The following ADAMTSL1 variants were observed in gnomAD, a reference collection of about 807,000 sequenced individuals.
ADAMTSL1 encodes ADAMTS like 1.
Under a neutral mutation model 201.8 loss-of-function variants are expected in ADAMTSL1, and 126 were observed. The observed-to-expected ratio is 0.62, with a 90% CI of 0.54 to 0.72. The LOEUF is 0.72. ADAMTSL1 is among the 30% of genes least tolerant of loss of function. ADAMTSL1 has a pLI of 0.00. For missense variants in ADAMTSL1, 2,679 were observed against 2,277.8 expected, an observed-to-expected ratio of 1.18 and a Z score of -3.59; for synonymous variants, 1,121 against 903.4, an observed-to-expected ratio of 1.24 and a Z score of -4.32.
chr9:18,287,624 C>CTAT (rs1554650456), intron 2 of ADAMTSL1, among the ~76,000 whole-genome samples: 42 of 148,146 alleles, frequency 2.8e-4, no homozygotes, highest in African/African-American at 9.8e-4. Context: ...TATGTGTATA[C>CTAT]ATATACGCAT....
chr9:18,314,782 CTTTTTTTTTTT>C (rs776046209), intron 2 of ADAMTSL1, among the ~76,000 whole-genome samples: 42 of 49,852 alleles, frequency 8.4e-4, no homozygotes, highest in South Asian at 5.5e-3. Context: ...CGGCAGCGTG[CTTTTTTTTTTT>C]TTTTTTTTTT....
chr9:18,340,544 A>G (rs1181347808), intron 2 of ADAMTSL1, among the ~76,000 whole-genome samples: 1 of 152,066 alleles, frequency 6.6e-6, no homozygotes, highest in African/African-American at 2.4e-5. Flanking sequence ...TATTAAGTCT[A>G]TGATATGTTT....
At chr9:18,682,897 C>T (rs1339302884) in intron 12 of ADAMTSL1, among the ~76,000 whole-genome samples, 3 of 152,040 alleles carry the variant, frequency 2.0e-5, no homozygotes, top group Non-Finnish European at 2.9e-5. Context: ...CTCTCGAAGC[C>T]TTGGTTTCCT....
At chr9:18,898,563 C>T (rs562297324) in intron 26 of ADAMTSL1, among the ~76,000 whole-genome samples, 1 of 152,222 alleles carries the variant, frequency 6.6e-6, no homozygotes, top group African/African-American at 2.4e-5. Flanking sequence ...TTGAAAGAGA[C>T]AGGGAGAACA....
At chr9:18,009,627 T>A (rs1239351148) in intron 1 of ADAMTSL1, among the ~76,000 whole-genome samples, 5 of 152,060 alleles carry the variant, frequency 3.3e-5, no homozygotes, top group Non-Finnish European at 7.4e-5. Flanking sequence ...ATGAGAGATG[T>A]GTTGGTTTGT....
intron 1 of ADAMTSL1, among the ~76,000 whole-genome samples, chr9:17,908,334 T>C (rs1563888454): frequency 6.6e-6 from 1 of 152,176 alleles, no homozygotes; most frequent in Non-Finnish European, 1.5e-5. Flanking sequence ...ACACCCCAGC[T>C]GGATTACATC....
intron 1 of ADAMTSL1, among the ~76,000 whole-genome samples, chr9:18,033,413 G>T (rs989837116): frequency 4.6e-5 from 7 of 152,194 alleles, no homozygotes; most frequent in Middle Eastern, 3.4e-3. Context: ...AATCACTAAA[G>T]TTTACTAAGT....
intron 25 of ADAMTSL1, among the ~76,000 whole-genome samples, chr9:18,891,757 G>T (rs1264366180): frequency 6.6e-6 from 1 of 152,218 alleles, no homozygotes; most frequent in South Asian, 2.1e-4. Context: ...CTTGACTTCA[G>T]TGAGGCCCAG....
At chr9:18,442,181 T>A (rs1486916348) in intron 2 of ADAMTSL1, among the ~76,000 whole-genome samples, 1 of 152,222 alleles carries the variant, frequency 6.6e-6, no homozygotes, top group East Asian at 1.9e-4. Context: ...AGCCATTGTA[T>A]CAAAGAGTTT....
intron 3 of ADAMTSL1, among the ~76,000 whole-genome samples, chr9:18,557,181 G>A (rs1281409708): frequency 1.3e-5 from 2 of 151,884 alleles, no homozygotes; most frequent in East Asian, 3.9e-4. Context: ...TTCTCTCTTT[G>A]GACAATGTGA....
intron 5 of ADAMTSL1, among the ~76,000 whole-genome samples, chr9:18,626,823 T>TACTG: frequency 7.0e-6 from 1 of 143,436 alleles, no homozygotes; most frequent in African/African-American, 2.5e-5. Context: ...CTTTCTTTCT[T>TACTG]TCTTTCTTAC....
At chr9:18,267,285 G>A (rs1469859076) in intron 2 of ADAMTSL1, among the ~76,000 whole-genome samples, 1 of 152,108 alleles carries the variant, frequency 6.6e-6, no homozygotes, top group African/African-American at 2.4e-5. Flanking sequence ...CATAGTATGA[G>A]TATCAGCCAA....
chr9:18,311,084 C>A (rs1339847600), intron 2 of ADAMTSL1, among the ~76,000 whole-genome samples: 1 of 152,018 alleles, frequency 6.6e-6, no homozygotes, highest in Non-Finnish European at 1.5e-5. Context: ...AACCATCATT[C>A]TCAGCAAAGT....
chr9:18,357,674 A>G (rs551078161), intron 2 of ADAMTSL1, among the ~76,000 whole-genome samples: 2 of 152,266 alleles, frequency 1.3e-5, no homozygotes, highest in African/African-American at 4.8e-5. Context: ...GTTCTTAAGT[A>G]TAGTCAAATA....
chr9:18,163,637 G>A (rs1400092590), intron 1 of ADAMTSL1, among the ~76,000 whole-genome samples: 1 of 151,992 alleles, frequency 6.6e-6, no homozygotes, highest in Non-Finnish European at 1.5e-5. Context: ...ACACCCGTCA[G>A]TTAAGAGGCA....
intron 8 of ADAMTSL1, among the ~76,000 whole-genome samples, chr9:18,658,313 G>T (rs1002209361): frequency 5.3e-5 from 8 of 152,262 alleles, no homozygotes; most frequent in African/African-American, 1.4e-4. Context: ...TTTTGTAGAA[G>T]GCCAGAGCTA....
At chr9:18,743,312 T>C (rs1162947925) in intron 15 of ADAMTSL1, among the ~76,000 whole-genome samples, 1 of 152,194 alleles carries the variant, frequency 6.6e-6, no homozygotes, top group Non-Finnish European at 1.5e-5. Context: ...CTATTTGCCA[T>C]GTTCTGTAAA....
At chr9:18,787,928 T>C (rs1380428157) in intron 19 of ADAMTSL1, among the ~76,000 whole-genome samples, 1 of 152,142 alleles carries the variant, frequency 6.6e-6, no homozygotes, top group East Asian at 1.9e-4. Flanking sequence ...AATTCAAGAC[T>C]CTATGAACTT....
intron 14 of ADAMTSL1, among the ~76,000 whole-genome samples, chr9:18,712,486 A>G (rs1253563010): frequency 6.6e-6 from 1 of 152,048 alleles, no homozygotes; most frequent in Non-Finnish European, 1.5e-5. Context: ...ATCAACTGGA[A>G]GAAAGGGTAT....
Sources: allele counts gnomAD v4.1 joint callset (sites outside exome capture counted in the v4.1 genomes callset), GRCh38; gene constraint gnomAD v4.1.1; transcripts MANE v1.5; gene names NCBI Gene and HGNC (gene_info 2026-07-23, HGNC 2026-07-21).